AKAP13: variants seen among roughly 807,000 people sequenced by gnomAD.
The protein encoded by AKAP13 is A-kinase anchor protein 13.
A neutral mutation model predicts 264.5 loss-of-function variants in AKAP13; 80 were observed. The observed-to-expected ratio is 0.30, with a 90% confidence interval of 0.25 to 0.36. AKAP13 has a LOEUF of 0.36. Ranked by LOEUF, AKAP13 falls within the 10% of genes least tolerant of loss-of-function variation. The pLI is 1.00. For synonymous variants in AKAP13, 1,380 were observed against 1,250.2 expected (o/e 1.10, Z -2.19); for missense variants, 3,712 against 3,435.2 (o/e 1.08, Z -2.01).
chr15:85,710,260 C>T (rs867872919), intron 18 of AKAP13, among the ~76,000 whole-genome samples: 1 of 152,078 alleles, frequency 6.6e-6, no homozygotes, highest in Non-Finnish European at 1.5e-5. Context: ...CCAGTCACTG[C>T]CTTGGGTGAG....
chr15:85,622,423 G>A (rs1221667298), intron 8 of AKAP13, among the ~76,000 whole-genome samples: 2 of 152,164 alleles, frequency 1.3e-5, no homozygotes, highest in Non-Finnish European at 2.9e-5. Flanking sequence ...CCATTGTGGT[G>A]GATGGGAGCA....
In AKAP13 at chr15:85,724,604, C is replaced by T. The variant is rs755359977; in HGVS notation, c.6745+1284C>T. On this transcript the variant is annotated intron_variant, in intron 26 of 36. Coordinates refer to ENST00000394518, the MANE Select transcript of AKAP13 (RefSeq NM_007200.5). This position sits in a 1 kb window ranked among gnomAD's most constrained non-coding sequence, Gnocchi z 4.2. ...GCCAGGTTGTAATGAGGTGCATTCT[C>T]CAGACTGAGGAGTTAACAGTTGATA... Among the ~76,000 whole-genome samples, 3 of 151,458 alleles carry T rather than the reference C, an allele frequency of 2.0e-5. No individual in the cohort carries two copies. The highest frequency in any genetic ancestry group is 2.9e-5 in the Non-Finnish European group (2 of 67,936).
At chr15:85,679,661 A>G (rs2084472498) in intron 14 of AKAP13, among the ~76,000 whole-genome samples, 1 of 152,206 alleles carries the variant, frequency 6.6e-6, no homozygotes, top group Non-Finnish European at 1.5e-5. Context: ...ACACTCTGAA[A>G]AATATCAACT....
intron 8 of AKAP13, among the ~76,000 whole-genome samples, chr15:85,636,848 G>C (rs1293045774): frequency 6.6e-6 from 1 of 152,088 alleles, no homozygotes; most frequent in African/African-American, 2.4e-5. Flanking sequence ...CTCCTGACCT[G>C]AAGTGATCTG....
At chr15:85,400,298 TAC>T (rs2150836199) in intron 1 of AKAP13, among the ~76,000 whole-genome samples, 1 of 152,260 alleles carries the variant, frequency 6.6e-6, no homozygotes, top group South Asian at 2.1e-4. Flanking sequence ...TAGTTGTAGC[TAC>T]CTGAGAGGCT....
At chr15:85,662,815 C>A (rs555139880) in intron 12 of AKAP13, among the ~76,000 whole-genome samples, 1 of 152,308 alleles carries the variant, frequency 6.6e-6, no homozygotes, top group South Asian at 2.1e-4. Context: ...TTCTATTATG[C>A]TTCTAAATCC....
At chr15:85,679,084 C>CA (rs2084430417) in intron 14 of AKAP13, among the ~76,000 whole-genome samples, 1 of 151,612 alleles carries the variant, frequency 6.6e-6, no homozygotes, top group Non-Finnish European at 1.5e-5. Context: ...ACCAAAAATA[C>CA]AAAAAAATTA....
chr15:85,678,523 C>G (rs549950504), intron 14 of AKAP13, among the ~76,000 whole-genome samples: 1 of 152,324 alleles, frequency 6.6e-6, no homozygotes, highest in Admixed American at 6.5e-5. Flanking sequence ...AAAATCCACT[C>G]TAACTTTGGG....
At position 85,718,688 on chromosome 15, in the gene AKAP13, G is replaced by C; in HGVS notation, c.6002-388G>C. 1 of 222,764 alleles carries C rather than the reference G, an allele frequency of 4.5e-6. No homozygotes were observed. Among genetic ancestry groups the C allele is most frequent in the Non-Finnish European group, 9.0e-6 (1 of 110,710 alleles). The allele number at this position is 222,764 out of a possible 1,614,324, so 13.8% of individuals were successfully genotyped here. A position where few individuals can be genotyped will look rare whatever the true frequency, so the allele number is the denominator to read the frequency against. Reference sequence around the variant, plus strand: ...AGGCTGAGGCGGGTGGATCACTCGAGCCCAGAGTTCAAGACTAGCCTGGGA... The same window carrying C: ...AGGCTGAGGCGGGTGGATCACTCGACCCCAGAGTTCAAGACTAGCCTGGGA... On this transcript the variant is annotated intron_variant, in intron 22 of 36. Coordinates refer to ENST00000394518, the MANE Select transcript of AKAP13 (RefSeq NM_007200.5). This position sits in a 1 kb window ranked among gnomAD's most constrained non-coding sequence, Gnocchi z 4.9.
At chr15:85,517,320 C>G (rs1278590155) in intron 2 of AKAP13, among the ~76,000 whole-genome samples, 1 of 151,764 alleles carries the variant, frequency 6.6e-6, no homozygotes, top group Non-Finnish European at 1.5e-5. Flanking sequence ...CTCTTCCCAT[C>G]CCCCAAATAC....
At chr15:85,521,332 T>G in intron 2 of AKAP13, 96 bp from the exon 3 acceptor site, 1 of 1,444,946 alleles carries the variant, frequency 6.9e-7, no homozygotes. Context: ...GTTTAGATGA[T>G]AAATTTGATT....
intron 1 of AKAP13, among the ~76,000 whole-genome samples, chr15:85,460,036 T>C (rs1241645671): frequency 1.3e-5 from 2 of 152,204 alleles, no homozygotes; most frequent in Non-Finnish European, 2.9e-5. Flanking sequence ...TTTCACAGAC[T>C]TACCTTTTCA....
chr15:85,726,754 C>G (rs2087639709), intron 27 of AKAP13, among the ~76,000 whole-genome samples: 1 of 152,194 alleles, frequency 6.6e-6, no homozygotes, highest in African/African-American at 2.4e-5. Flanking sequence ...GAGCATTTCT[C>G]ACATTTGAGC....
intron 15 of AKAP13, among the ~76,000 whole-genome samples, chr15:85,682,947 G>A (rs893249309): frequency 1.3e-3 from 8 of 5,972 alleles, no homozygotes; most frequent in African/African-American, 9.5e-3. Flanking sequence ...GATTACAGGC[G>A]TGAAATTGAT....
chr15:85,619,496 G>C (rs2081081518), intron 8 of AKAP13: 1 of 985,258 alleles, frequency 1.0e-6, no homozygotes, highest in Non-Finnish European at 1.2e-6. Context: ...ACTTTGAAAA[G>C]CATCTCCCAG....
intron 7 of AKAP13, chr15:85,582,896 A>G (rs1278927696): frequency 1.0e-6 from 1 of 985,488 alleles, no homozygotes; most frequent in Non-Finnish European, 1.2e-6. Context: ...AAGCAGCTGC[A>G]CTGAGCAGAT....
intron 8 of AKAP13, among the ~76,000 whole-genome samples, chr15:85,599,607 A>C (rs2079965772): frequency 6.6e-6 from 1 of 152,232 alleles, no homozygotes; most frequent in African/African-American, 2.4e-5. Context: ...GAAGCTCATC[A>C]GTGCCTAACA....
chr15:85,734,354 T>C (rs1342132932), intron 30 of AKAP13, among the ~76,000 whole-genome samples: 2 of 152,242 alleles, frequency 1.3e-5, no homozygotes, highest in Admixed American at 6.5e-5. Flanking sequence ...TCTCACACCA[T>C]AGGACTCGTC....
At chr15:85,488,415 A>C (rs1393786182) in intron 2 of AKAP13, among the ~76,000 whole-genome samples, 2 of 152,178 alleles carry the variant, frequency 1.3e-5, no homozygotes, top group Non-Finnish European at 2.9e-5. Flanking sequence ...TTGAGTATTA[A>C]AGGTTTTTGG....
Sources: allele counts gnomAD v4.1 joint callset (sites outside exome capture counted in the v4.1 genomes callset), GRCh38; gene constraint gnomAD v4.1.1; non-coding constraint Gnocchi (gnomAD v3.1); transcripts MANE v1.5; gene names NCBI Gene and HGNC (gene_info 2026-07-23, HGNC 2026-07-21).